The following GPRIN2 variants were observed in gnomAD, a reference collection of about 807,000 sequenced individuals.
The protein encoded by GPRIN2 is G protein-regulated inducer of neurite outgrowth 2.
In GPRIN2, 1 loss-of-function variant was observed where a neutral mutation model predicts 0.3. The observed-to-expected ratio is 3.90, with a 90% confidence interval of 1.39 to 18.51. The LOEUF (loss-of-function observed/expected upper bound fraction) is 18.51. GPRIN2 is among the 30% of genes most tolerant of loss of function. GPRIN2 has a pLI of 0.11. For synonymous variants in GPRIN2, 361 were observed against 258.6 expected (o/e 1.40, Z -3.80); for missense variants, 880 against 604.2 (o/e 1.46, Z -4.79).
At position 46,547,202 on chromosome 10, in the gene GPRIN2, T is replaced by C. The variant is rs1351890020; in HGVS notation, c.*2158A>G. Reference sequence around the variant, plus strand: ...CTCCTCCCCAAATCCATTGCACACATGTGTGCCTGTGTATGCGTGTGTGTG... The same window carrying C: ...CTCCTCCCCAAATCCATTGCACACACGTGTGCCTGTGTATGCGTGTGTGTG... On this transcript the variant is annotated 3_prime_UTR_variant, in exon 3 of 3. Transcript: ENST00000374314. Among the ~76,000 whole-genome samples, 7 of 75,132 alleles carry C rather than the reference T, an allele frequency of 9.3e-5. No individual in the cohort carries two copies. The highest frequency in any genetic ancestry group is 2.9e-4 in the East Asian group (1 of 3,416). 49.3% of individuals were successfully genotyped at this position (75,132 alleles called of 152,430 possible). A position where few individuals can be genotyped will look rare whatever the true frequency, so the allele number is the denominator to read the frequency against.
intron 2 of GPRIN2, among the ~76,000 whole-genome samples, chr10:46,554,113 CA>C (rs1440099147): frequency 6.6e-6 from 1 of 152,268 alleles, no homozygotes; most frequent in Admixed American, 6.5e-5. Flanking sequence ...TTGTGAAGAC[CA>C]AATGTGACAG....
At position 46,556,586 on chromosome 10, in the gene GPRIN2, A is replaced by G. The variant is rs1555026132; in HGVS notation, c.-206T>C. Among the ~76,000 whole-genome samples the G allele has an allele frequency of 0.84, 127,387 of 151,834 alleles. 51,471 individuals are homozygous for G. Among genetic ancestry groups the G allele is most frequent in the East Asian group, 0.95 (4,928 of 5,188 alleles). Reference sequence around the variant, plus strand: ...AGGTGCCGCGGCCCAAGATGGAGCCAGAGCCGACCTGGCCTGGGCGCGAGA... The same window carrying G: ...AGGTGCCGCGGCCCAAGATGGAGCCGGAGCCGACCTGGCCTGGGCGCGAGA... On this transcript the variant is annotated 5_prime_UTR_variant, in exon 1 of 3. Transcript: ENST00000374314.
In GPRIN2 at chr10:46,549,059, G is replaced by T. The variant is rs1693332386; in HGVS notation, c.*301C>A. 985 of 407,868 alleles carry T rather than the reference G, an allele frequency of 2.4e-3. No homozygotes were observed. The East Asian group carries it at 0.037, about 15-fold the overall frequency. The allele number at this position is 407,868 out of a possible 1,614,324, so 25.3% of individuals were successfully genotyped here. ...GTTCTGAGGGTGGAGTGAACAAAAG[G>T]TCATTTTTTACAGAAAACTCAGGAT... On this transcript the variant is annotated 3_prime_UTR_variant, in exon 3 of 3. Coordinates refer to ENST00000374314, the MANE Select transcript of GPRIN2 (RefSeq NM_001385282.1).
rs1045287819 is a variant in GPRIN2, at chr10:46,549,018, G to C, written c.*342C>G. 1 of 367,896 alleles carries C rather than the reference G, an allele frequency of 2.7e-6. No homozygotes were observed. The highest frequency in any genetic ancestry group is 5.0e-6 in the Non-Finnish European group (1 of 199,218). 22.8% of individuals were successfully genotyped at this position (367,896 alleles called of 1,614,324 possible). ...CAAATAAAGCCACCAAGAGTCTGAC[G>C]AGGCAACATGGCAGAGTTCTGAGGG... On this transcript the variant is annotated 3_prime_UTR_variant, in exon 3 of 3. Transcript: ENST00000374314.
At chr10:46,551,219 C>T (rs1842564951) in intron 2 of GPRIN2, among the ~76,000 whole-genome samples, 2 of 152,296 alleles carry the variant, frequency 1.3e-5, no homozygotes, top group Non-Finnish European at 2.9e-5. Flanking sequence ...GGGCTACTTC[C>T]TCCTGGGACT....
rs1832446364 is a variant in GPRIN2 at position 46,550,210 on chromosome 10, A to G, written c.527T>C (p.Leu176Pro). Residue 176 changes from leucine to proline, a missense_variant, in exon 3 of 3, where the codon CTG becomes CCG. Leu to Pro is a moderately conservative substitution (Grantham distance 98). Coordinates refer to ENST00000374314, the MANE Select transcript of GPRIN2 (RefSeq NM_001385282.1). ...GTTAGAAGTCTCATCCTCAGGAGCC[A>G]GGTCCCTTTCCAGGCCTGCAGGGGC... ...GQAPAGLERD[L>P]APEDETSNSA... 6 of 1,602,292 alleles carry G rather than the reference A, an allele frequency of 3.7e-6. No individual in the cohort carries two copies. The African/African-American group carries it at 6.7e-5, about 18-fold the overall frequency.
In GPRIN2 at chr10:46,549,277, G is replaced by A; in HGVS notation, c.*83C>T. The A allele has an allele frequency of 2.8e-6, 4 of 1,427,368 alleles. No individual in the cohort carries two copies. The highest frequency in any genetic ancestry group is 2.6e-4 in the Middle Eastern group (1 of 3,862). 88.4% of individuals were successfully genotyped at this position (1,427,368 alleles called of 1,614,324 possible). On this transcript the variant is annotated 3_prime_UTR_variant, in exon 3 of 3. Coordinates refer to ENST00000374314, the MANE Select transcript of GPRIN2 (RefSeq NM_001385282.1). ...ATGTGCCCAGCTGCCGGTGGGTCCA[G>A]GGGGCACGGAGCCCCCACCGTCCCT...
Position 46,549,507 on chromosome 10 carries a change from G to T in GPRIN2, c.1230C>A (p.His410Gln), listed in dbSNP as rs1832697039. ...LEVLGVAIQKHLEMQFEQLQR... is the reference protein window; with the variant it reads ...LEVLGVAIQKQLEMQFEQLQR... ...GCAGCTGCTCAAACTGCATCTCCAG[G>T]TGCTTCTGGATGGCCACACCGAGCA... The change falls in exon 3 of 3, where the codon CAC (histidine) becomes CAA (glutamine). Residue 410 changes from histidine (H) to glutamine (Q), a missense_variant. Coordinates refer to ENST00000374314, the MANE Select transcript of GPRIN2 (RefSeq NM_001385282.1). 2.5e-6 allele frequency: 4 copies of T among 1,612,964 alleles called. No homozygotes were observed. Among genetic ancestry groups the T allele is most frequent in the Admixed American group, 1.7e-5 (1 of 59,984 alleles).
intron 2 of GPRIN2, among the ~76,000 whole-genome samples, chr10:46,552,731 A>C (rs1224032276): frequency 1.3e-5 from 2 of 152,426 alleles, no homozygotes; most frequent in Admixed American, 6.5e-5. Context: ...TGAATGTTTA[A>C]GTTTTATTTG....
chr10:46,554,727 C>T (rs1842978988), intron 1 of GPRIN2, 32 bp from the exon 2 acceptor site: 1 of 154,066 alleles, frequency 6.5e-6, no homozygotes, highest in African/African-American at 2.4e-5. Flanking sequence ...TAGCAATCAA[C>T]CAATGTCATT....
rs1842013739 is a variant in GPRIN2 at position 46,544,787 on chromosome 10, A to G, written c.*4573T>C. On this transcript the variant is annotated 3_prime_UTR_variant, in exon 3 of 3. Coordinates refer to ENST00000374314, the MANE Select transcript of GPRIN2 (RefSeq NM_001385282.1). ...CTACCCTCCTTCCATGGCCATGGGA[A>G]AAAGGGGTGTGTGCTGTTGGTGTGA... Among the ~76,000 whole-genome samples the G allele has an allele frequency of 6.6e-6, 1 of 152,310 alleles. No homozygotes were observed. The highest frequency in any genetic ancestry group is 1.5e-5 in the Non-Finnish European group (1 of 68,058).
At chr10:46,556,393 T>C (rs1843229324) in intron 1 of GPRIN2, among the ~76,000 whole-genome samples, 105 bp downstream of exon 1, 1 of 152,296 alleles carries the variant, frequency 6.6e-6, no homozygotes, top group Admixed American at 6.5e-5. Flanking sequence ...GCCGGGGGTC[T>C]GAGCGCAGGC....
At chr10:46,553,503 A>AG (rs1302567529) in intron 2 of GPRIN2, among the ~76,000 whole-genome samples, 1 of 152,300 alleles carries the variant, frequency 6.6e-6, no homozygotes, top group Non-Finnish European at 1.5e-5. Context: ...CCTCCCAGGG[A>AG]GGGGGGCCAT....
At position 46,545,782 on chromosome 10, in the gene GPRIN2, G is replaced by T. The variant is rs1832929226; in HGVS notation, c.*3578C>A. ...CCTGTGTGCTGAGCACTAACTCAGT[G>T]CCAGGCACTACTTGGGTTATTCTAT... On this transcript the variant is annotated 3_prime_UTR_variant, in exon 3 of 3. Transcript: ENST00000374314. 7.9e-4 allele frequency among the ~76,000 whole-genome samples: 120 copies of T among 152,334 alleles called. No homozygotes were observed. The highest frequency in any genetic ancestry group is 2.6e-3 in the African/African-American group (110 of 41,524).
At chr10:46,556,474 G>A (rs1199630105) in intron 1 of GPRIN2, among the ~76,000 whole-genome samples, 24 bp downstream of exon 1, 1 of 152,270 alleles carries the variant, frequency 6.6e-6, no homozygotes, top group Non-Finnish European at 1.5e-5. Context: ...GCCCCAACGG[G>A]AGCGCGCGGA....
chr10:46,557,532 C>T (rs1262963246), upstream of GPRIN2, among the ~76,000 whole-genome samples: 1 of 152,306 alleles, frequency 6.6e-6, no homozygotes, highest in Non-Finnish European at 1.5e-5. Context: ...GGGCAGTGAC[C>T]GTGCGGGGAT....
intron 2 of GPRIN2, among the ~76,000 whole-genome samples, chr10:46,553,164 G>A (rs1376831644): frequency 3.3e-5 from 5 of 152,304 alleles, no homozygotes; most frequent in Non-Finnish European, 4.4e-5. Flanking sequence ...GCACACACCT[G>A]TGGGGCAGCT....
At position 46,544,348 on chromosome 10, in the gene GPRIN2, G is replaced by A. The variant is rs1376959642; in HGVS notation, c.*5012C>T. On this transcript the variant is annotated 3_prime_UTR_variant, in exon 3 of 3. Coordinates refer to ENST00000374314, the MANE Select transcript of GPRIN2 (RefSeq NM_001385282.1). ...CTTGTCTTTTTCTTTTTTTGAAACA[G>A]GGTCTGGCTCCGTCATCCAGGCTGG... 6.6e-6 allele frequency among the ~76,000 whole-genome samples: 1 copy of A among 152,310 alleles called. No individual in the cohort carries two copies. Among genetic ancestry groups the A allele is most frequent in the African/African-American group, 2.4e-5 (1 of 41,488 alleles).
In GPRIN2 at chr10:46,550,506, G is replaced by A. The variant is rs1832346868; in HGVS notation, c.231C>T (p.Ala77=). The A allele has an allele frequency of 6.2e-7, 1 of 1,605,222 alleles. No homozygotes were observed. Among genetic ancestry groups the A allele is most frequent in the East Asian group, 2.2e-5 (1 of 44,636 alleles). ...CACTGGGTCGCGCCTTGGGGCCAGAGGCCCGTGCTGGCTTCATGCTCTCAG... is the reference window on the plus strand; with the variant it reads ...CACTGGGTCGCGCCTTGGGGCCAGAAGCCCGTGCTGGCTTCATGCTCTCAG... The part of the protein sequence containing the change: ...NPPESMKPAR[A]SGPKARPSAG... The change falls in exon 3 of 3, where the codon GCC becomes GCT. Residue 77 remains alanine (A), a synonymous_variant. Transcript: ENST00000374314.
Sources: allele counts gnomAD v4.1 joint callset (sites outside exome capture counted in the v4.1 genomes callset), GRCh38; gene constraint gnomAD v4.1.1; transcripts MANE v1.5; gene names NCBI Gene and HGNC (gene_info 2026-07-23, HGNC 2026-07-21).